Variants in IQSEC3 observed in about 807,000 individuals in gnomAD.
IQSEC3 encodes the protein IQ motif and Sec7 domain ArfGEF 3, also known as IQ motif and SEC7 domain-containing protein 3.
IQSEC3 carries 50 observed loss-of-function variants against 105.4 expected under a neutral mutation model. The observed-to-expected ratio is 0.47, with a 90% CI of 0.38 to 0.60. The LOEUF (loss-of-function observed/expected upper bound fraction) is 0.60. Among genes scored for constraint, IQSEC3 ranks in the 20% least tolerant of loss-of-function variants. The probability of loss-of-function intolerance (pLI) is 0.00; values close to 1 mark genes in which losing one functional copy is unlikely to be tolerated. For missense variants in IQSEC3, 1,415 were observed against 1,630.0 expected (o/e 0.87, Z 2.27); for synonymous variants, 708 against 746.0 (o/e 0.95, Z 0.83).
At chr12:166,476 T>C (rs1176415879) in intron 11 of IQSEC3, among the ~76,000 whole-genome samples, 2 of 152,204 alleles carry the variant, frequency 1.3e-5, no homozygotes, top group East Asian at 3.8e-4. Context: ...TTAGAGAATA[T>C]GTGGGTCTCT....
intron 9 of IQSEC3, 84 bp from the exon 10 acceptor site, chr12:165,350 T>C: frequency 1.0e-6 from 1 of 989,636 alleles, no homozygotes. Flanking sequence ...GTTTGTGTGA[T>C]CGTGCATCCC....
chr12:153,676 G>A (rs1866585481), intron 5 of IQSEC3, among the ~76,000 whole-genome samples: 1 of 152,192 alleles, frequency 6.6e-6, no homozygotes. Context: ...CAGGTGCATA[G>A]CCAGGGGAAG....
chr12:122,958 G>A (rs551845162), intron 2 of IQSEC3, among the ~76,000 whole-genome samples: 2 of 152,306 alleles, frequency 1.3e-5, no homozygotes, highest in South Asian at 2.1e-4. Context: ...AAAACTGTAT[G>A]CTGCCCGGCA....
At chr12:70,770 C>T (rs373796943) in intron 1 of IQSEC3, among the ~76,000 whole-genome samples, 10 of 152,400 alleles carry the variant, frequency 6.6e-5, no homozygotes, top group African/African-American at 1.9e-4. Flanking sequence ...GTCTCCAAGG[C>T]CACAGGCAGA....
At chr12:108,200 T>C (rs782399159) in intron 2 of IQSEC3, among the ~76,000 whole-genome samples, 19 of 152,390 alleles carry the variant, frequency 1.2e-4, no homozygotes, top group Admixed American at 2.6e-4. Context: ...AGGAGGCTTT[T>C]TAAAACTTGT....
intron 1 of IQSEC3, among the ~76,000 whole-genome samples, chr12:93,675 T>C (rs1864161312): frequency 6.6e-6 from 1 of 152,242 alleles, no homozygotes; most frequent in East Asian, 1.9e-4. Context: ...GAATGTTTTC[T>C]GCTATGTTTT....
At position 177,230 on chromosome 12, in the gene IQSEC3, G is replaced by T. The variant is rs1259353550; in HGVS notation, c.*2197G>T. The T allele has an allele frequency of 1.1e-5, 1 of 88,230 alleles. No homozygotes were observed. The highest frequency in any genetic ancestry group is 3.9e-5 in the African/African-American group (1 of 25,494). 5.5% of individuals were successfully genotyped at this position (88,230 alleles called of 1,614,324 possible). ...AGCTCTTCAAGCTTACCAAGGACAG[G>T]CAGAACCCCGTCCCCTGCTCACACA... On this transcript the variant is annotated 3_prime_UTR_variant, in exon 14 of 14. Coordinates refer to ENST00000538872, the MANE Select transcript of IQSEC3 (RefSeq NM_001170738.2). The surrounding 1 kb of genome is among the most constrained non-coding windows in gnomAD (Gnocchi z 5.3).
intron 5 of IQSEC3, 62 bp downstream of exon 5, chr12:141,347 C>T: frequency 1.3e-6 from 2 of 1,526,472 alleles, no homozygotes. Flanking sequence ...CCCGGGCTCT[C>T]TCTGTGAGCT....
intron 1 of IQSEC3, among the ~76,000 whole-genome samples, chr12:79,118 C>T (rs1452651700): frequency 2.6e-5 from 4 of 152,200 alleles, no homozygotes; most frequent in African/African-American, 9.6e-5. Flanking sequence ...CTGCGGGTGG[C>T]CCTGCCTCAC....
At chr12:168,925 C>T (rs1266289650) in intron 11 of IQSEC3, 88 bp from the exon 12 acceptor site, 1 of 1,093,140 alleles carries the variant, frequency 9.1e-7, no homozygotes, top group African/African-American at 1.5e-5. Flanking sequence ...CCTCTTCCTC[C>T]CCTTTCTGCT....
intron 5 of IQSEC3, among the ~76,000 whole-genome samples, chr12:154,830 C>G (rs2887339): frequency 0.75 from 113,376 of 151,796 alleles, 42,501 homozygotes; most frequent in Middle Eastern, 0.82. Flanking sequence ...TCCCTTTTTG[C>G]GATCTCTCTC....
intron 11 of IQSEC3, 57 bp downstream of exon 11, chr12:165,947 G>C: frequency 6.3e-7 from 1 of 1,584,350 alleles, no homozygotes; most frequent in South Asian, 1.2e-5. Flanking sequence ...CAAGGGACAG[G>C]GGCAGCTTGA....
At chr12:165,941 G>A in intron 11 of IQSEC3, 51 bp downstream of exon 11, 1 of 1,591,212 alleles carries the variant, frequency 6.3e-7, no homozygotes, top group Non-Finnish European at 8.6e-7. Context: ...ATTCAGCAAG[G>A]GACAGGGGCA....
At chr12:109,572 C>G (rs1171925793) in intron 2 of IQSEC3, among the ~76,000 whole-genome samples, 1 of 152,016 alleles carries the variant, frequency 6.6e-6, no homozygotes, top group Non-Finnish European at 1.5e-5. Context: ...CCCACTATTC[C>G]TCAGGCAGCC....
chr12:165,207 G>A (rs931186846), intron 9 of IQSEC3: 9 of 568,004 alleles, frequency 1.6e-5, no homozygotes, highest in Admixed American at 3.1e-5. Context: ...CAGCTCAGGC[G>A]CCGTGGCTTG....
chr12:144,752 C>A (rs2069615905), intron 5 of IQSEC3, among the ~76,000 whole-genome samples: 1 of 152,262 alleles, frequency 6.6e-6, no homozygotes, highest in African/African-American at 2.4e-5. Context: ...GGAATGTATT[C>A]TTACCAGGCC....
intron 1 of IQSEC3, among the ~76,000 whole-genome samples, chr12:69,813 G>A (rs1387411219): frequency 2.2e-4 from 34 of 152,362 alleles, no homozygotes; most frequent in East Asian, 7.7e-4. Context: ...GACATGTTTC[G>A]TCCTACCCTG....
rs1555075444 is a variant in IQSEC3 at position 99,147 on chromosome 12, A to T, written c.556A>T (p.Asn186Tyr). ...GKGVLSRRPE[N>Y]ETVLHQFCCP... is the part of the protein sequence containing the mutation. ...GATCTCCCTCTGCTCTGCCCGCAGG[A>T]ATGAGACCGTGCTGCACCAGTTCTG... Residue 186 changes from asparagine to tyrosine, a missense_variant and splice_region_variant, in exon 2 of 14, where the codon AAT becomes TAT. This residue lies in a region of IQSEC3 where 720 missense variants were observed against 633.0 expected (regional missense o/e 1.14). Transcript: ENST00000538872. The T allele has an allele frequency of 6.3e-7, 1 of 1,598,578 alleles. No individual in the cohort carries two copies.
intron 13 of IQSEC3, among the ~76,000 whole-genome samples, chr12:172,130 T>C (rs1237097823): frequency 6.6e-6 from 1 of 151,948 alleles, no homozygotes; most frequent in Non-Finnish European, 1.5e-5. Context: ...CCCCATTAGG[T>C]GTCTTAGGAA....
Sources: allele counts gnomAD v4.1 joint callset (sites outside exome capture counted in the v4.1 genomes callset), GRCh38; gene constraint gnomAD v4.1.1; regional missense constraint gnomAD v4.1.1; non-coding constraint Gnocchi (gnomAD v3.1); transcripts MANE v1.5; gene names NCBI Gene and HGNC (gene_info 2026-07-23, HGNC 2026-07-21).